CAP1: variants seen among roughly 807,000 people sequenced by gnomAD.
The protein encoded by CAP1 is cyclase associated actin cytoskeleton regulatory protein 1.
In CAP1, 11 loss-of-function variants were observed where a neutral mutation model predicts 58.2. The observed-to-expected ratio is 0.19, with a 90% confidence interval of 0.12 to 0.31. The LOEUF is 0.31. Ranked by LOEUF, CAP1 falls within the 10% of genes least tolerant of loss-of-function variation. CAP1 has a pLI of 1.00. For missense variants in CAP1, 423 were observed against 587.5 expected, an observed-to-expected ratio of 0.72 and a Z score of 2.89; for synonymous variants, 183 against 213.8, an observed-to-expected ratio of 0.86 and a Z score of 1.26.
At chr1:40,060,877 G>C (rs946532669) in intron 3 of CAP1, among the ~76,000 whole-genome samples, 1 of 152,186 alleles carries the variant, frequency 6.6e-6, no homozygotes, top group Non-Finnish European at 1.5e-5. Context: ...TAGCTCTAGA[G>C]AGTGGGACTG....
rs115412027 is a variant in CAP1 at position 40,055,423 on chromosome 1, A to G, written c.-10-3914A>G. Among the ~76,000 whole-genome samples, 1,008 of 152,346 alleles carry G rather than the reference A, an allele frequency of 6.6e-3. 11 individuals are homozygous for G. Among genetic ancestry groups the G allele is most frequent in the Non-Finnish European group, 7.9e-3 (539 of 68,028 alleles). On this transcript the variant is annotated intron_variant, in intron 1 of 12. Coordinates refer to ENST00000372805, the MANE Select transcript of CAP1 (RefSeq NM_006367.4). ...AGTGTTGAGATAGATCACTCTGACT[A>G]TAATATGGAGAATGGATGAACAAAG...
At chr1:40,056,191 AG>A (rs529866811) in intron 1 of CAP1, among the ~76,000 whole-genome samples, 2 of 152,172 alleles carry the variant, frequency 1.3e-5, no homozygotes, top group South Asian at 2.1e-4. Flanking sequence ...TTGATCAATC[AG>A]GTGATTGATA....
chr1:40,046,634 T>C (rs1279571409), intron 1 of CAP1, among the ~76,000 whole-genome samples: 1 of 152,180 alleles, frequency 6.6e-6, no homozygotes, highest in African/African-American at 2.4e-5. Context: ...GGGAACATCA[T>C]AGAGTGTACT....
At chr1:40,070,603 C>T (rs1570437454) in intron 11 of CAP1, 91 bp downstream of exon 11, 2 of 1,130,702 alleles carry the variant, frequency 1.8e-6, no homozygotes, top group East Asian at 2.4e-5. Context: ...TGGTGGGAAT[C>T]TGATTCTACA....
intron 1 of CAP1, among the ~76,000 whole-genome samples, chr1:40,048,403 C>T (rs972731739): frequency 6.6e-6 from 1 of 152,174 alleles, no homozygotes; most frequent in African/African-American, 2.4e-5. Flanking sequence ...AAAGTGGTGC[C>T]TGTTATTTGG....
rs72214452 is a variant in CAP1, at chr1:40,049,178, A to ATTTTTTTTTTT, written c.-11+8393_-11+8403dup. On this transcript the variant is annotated intron_variant, in intron 1 of 12. Coordinates refer to ENST00000372805, the MANE Select transcript of CAP1 (RefSeq NM_006367.4). ...TGGCAGGAATCACTAGCCATTTCTAATTTTTTTTTTTTTTTTTTTTTTTTT... is the reference window on the plus strand; with the variant it reads ...TGGCAGGAATCACTAGCCATTTCTAATTTTTTTTTTTTTTTTTTTTTTTTTTTTTTTTTTTT... 2.4e-4 allele frequency among the ~76,000 whole-genome samples: 20 copies of ATTTTTTTTTTT among 84,886 alleles called. 1 individual carries two copies. Among genetic ancestry groups the ATTTTTTTTTTT allele is most frequent in the African/African-American group, 7.1e-4 (15 of 21,034 alleles). 55.7% of individuals were successfully genotyped at this position (84,886 alleles called of 152,430 possible).
intron 1 of CAP1, among the ~76,000 whole-genome samples, chr1:40,052,083 T>C (rs530678669): frequency 3.9e-5 from 6 of 152,336 alleles, no homozygotes; most frequent in African/African-American, 1.4e-4. Flanking sequence ...CTAGTTTTTC[T>C]AGGTGCTGGG....
At chr1:40,045,663 C>T (rs1051627933) in intron 1 of CAP1, among the ~76,000 whole-genome samples, 1 of 152,100 alleles carries the variant, frequency 6.6e-6, no homozygotes, top group African/African-American at 2.4e-5. Flanking sequence ...TCAAGCAGTT[C>T]TCCTGCCTCA....
chr1:40,042,198 C>T (rs371343465), intron 1 of CAP1, among the ~76,000 whole-genome samples: 106 of 152,222 alleles, frequency 7.0e-4, no homozygotes, highest in African/African-American at 2.5e-3. Flanking sequence ...TTATTAAGAC[C>T]TTAATATGTA....
At position 40,048,050 on chromosome 1, in the gene CAP1, C is replaced by T. The variant is rs1366920413; in HGVS notation, c.-11+7249C>T. ...GATTTGGGTTAGATTTAGATGGCAT[C>T]TTTTTTTTTTTTTTGAGATGGTGTC... On this transcript the variant is annotated intron_variant, in intron 1 of 12. Transcript: ENST00000372805. Among the ~76,000 whole-genome samples the T allele has an allele frequency of 2.1e-5, 3 of 144,938 alleles. No homozygotes were observed. The East Asian group carries it at 5.9e-4, about 29-fold the overall frequency.
intron 2 of CAP1, among the ~76,000 whole-genome samples, chr1:40,059,755 T>C (rs1398056419): frequency 6.6e-6 from 1 of 152,138 alleles, no homozygotes; most frequent in Admixed American, 6.5e-5. Flanking sequence ...CTCCAAACAA[T>C]TGGCAAATTG....
intron 4 of CAP1, among the ~76,000 whole-genome samples, chr1:40,062,773 T>TTGTGTGTGTGTGTGTG (rs1169359200): frequency 0.013 from 1,951 of 145,578 alleles, 30 homozygotes; most frequent in African/African-American, 0.022. Flanking sequence ...TCAAAAAACA[T>TTGTGTGTGTGTGTGTG]TGTGTGTGTG....
At chr1:40,051,140 G>A (rs1320681056) in intron 1 of CAP1, among the ~76,000 whole-genome samples, 2 of 152,198 alleles carry the variant, frequency 1.3e-5, no homozygotes, top group Non-Finnish European at 2.9e-5. Flanking sequence ...CTCAGAGCAT[G>A]TAGTAATTTA....
chr1:40,071,144 CA>C (rs1365053279), intron 12 of CAP1, among the ~76,000 whole-genome samples, 165 bp downstream of exon 12: 1 of 152,106 alleles, frequency 6.6e-6, no homozygotes, highest in Non-Finnish European at 1.5e-5. Flanking sequence ...AGTGGAGCCC[CA>C]AAGGTAGGTG....
intron 4 of CAP1, among the ~76,000 whole-genome samples, 197 bp from the exon 5 acceptor site, chr1:40,064,030 C>G (rs1490255925): frequency 6.6e-6 from 1 of 152,176 alleles, no homozygotes; most frequent in Non-Finnish European, 1.5e-5. Context: ...CCATCAGGTG[C>G]AGCCTGAGGA....
At chr1:40,064,643 C>T (rs777275574) in intron 6 of CAP1, 84 bp downstream of exon 6, 199 of 1,022,818 alleles carry the variant, frequency 1.9e-4, no homozygotes, top group Non-Finnish European at 2.9e-4. Context: ...GTGGCACAAT[C>T]ACAGCTCATT....
intron 3 of CAP1, among the ~76,000 whole-genome samples, chr1:40,061,509 ATTAAC>A (rs1557687742): frequency 1.3e-5 from 2 of 152,218 alleles, no homozygotes; most frequent in African/African-American, 4.8e-5. Context: ...TGATTATCCA[ATTAAC>A]TTCACTTCCA....
intron 1 of CAP1, among the ~76,000 whole-genome samples, chr1:40,053,891 A>C (rs1646492475): frequency 6.6e-6 from 1 of 152,236 alleles, no homozygotes. Context: ...ATTTACAACT[A>C]TACAGAATTA....
chr1:40,043,072 A>G (rs1645914231), intron 1 of CAP1, among the ~76,000 whole-genome samples: 1 of 152,202 alleles, frequency 6.6e-6, no homozygotes, highest in African/African-American at 2.4e-5. Context: ...GCTAAAGGAA[A>G]GAGCAAGAGT....
Sources: gnomAD v4.1 joint callset for allele counts (sites outside exome capture counted in the v4.1 genomes callset) on GRCh38, gnomAD v4.1.1 for gene constraint, MANE v1.5 for transcripts, NCBI Gene and HGNC (gene_info 2026-07-23, HGNC 2026-07-21) for gene names.